Variants in ARHGAP42 observed in about 807,000 individuals in gnomAD.
ARHGAP42 encodes rho GTPase-activating protein 42.
ARHGAP42 carries 63 observed loss-of-function variants against 125.0 expected under a neutral mutation model. The ratio of observed to expected loss-of-function variants is 0.50; its 90% CI spans 0.41 to 0.62. The LOEUF (loss-of-function observed/expected upper bound fraction) is 0.62. Among genes scored for constraint, ARHGAP42 ranks in the 20% least tolerant of loss-of-function variants. ARHGAP42 has a pLI of 0.00. For missense variants in ARHGAP42, 766 were observed against 1,024.2 expected, an observed-to-expected ratio of 0.75 and a Z score of 3.44; for synonymous variants, 339 against 351.0, an observed-to-expected ratio of 0.97 and a Z score of 0.38.
intron 1 of ARHGAP42, among the ~76,000 whole-genome samples, chr11:100,730,483 G>A (rs554945798): frequency 6.6e-6 from 1 of 152,314 alleles, no homozygotes; most frequent in South Asian, 2.1e-4. Flanking sequence ...AAAAGCCAAT[G>A]TTGCTTTCTC....
chr11:100,835,531 A>T (rs1591222444), intron 3 of ARHGAP42, among the ~76,000 whole-genome samples: 1 of 152,112 alleles, frequency 6.6e-6, no homozygotes, highest in Admixed American at 6.6e-5. Flanking sequence ...ATTTCATAGA[A>T]GTTTTGAACT....
intron 3 of ARHGAP42, among the ~76,000 whole-genome samples, chr11:100,798,860 A>T (rs568418259): frequency 2.0e-5 from 3 of 152,152 alleles, no homozygotes; most frequent in Non-Finnish European, 4.4e-5. Context: ...AGAGAAAGCC[A>T]TTTGAGGAAG....
intron 3 of ARHGAP42, among the ~76,000 whole-genome samples, chr11:100,842,066 G>A (rs537437035): frequency 2.0e-5 from 3 of 152,254 alleles, no homozygotes; most frequent in African/African-American, 4.8e-5. Context: ...GCTAAAGATT[G>A]AAGTATTGCA....
At position 100,812,760 on chromosome 11, in the gene ARHGAP42, A is replaced by G. The variant is rs137912038; in HGVS notation, c.312+17594A>G. ...GCATAGGCAAATATGGCTAAAGCAC[A>G]GGAACAAATGGGAAAGTGGGAAGAG... On this transcript the variant is annotated intron_variant, in intron 3 of 23. Transcript: ENST00000298815. Among the ~76,000 whole-genome samples the G allele has an allele frequency of 7.1e-3, 1,087 of 152,368 alleles. 17 individuals carry two copies. Among genetic ancestry groups the G allele is most frequent in the African/African-American group, 0.025 (1,037 of 41,590 alleles).
chr11:100,933,309 A>G, intron 7 of ARHGAP42, 49 bp downstream of exon 7: 1 of 1,331,172 alleles, frequency 7.5e-7, no homozygotes, highest in Non-Finnish European at 1.0e-6. Flanking sequence ...TGCAAATCTG[A>G]TTTCACAGGG....
chr11:100,837,666 C>CTTTTTCTTTTTTTTTTTTT, intron 3 of ARHGAP42, among the ~76,000 whole-genome samples: 1 of 61,042 alleles, frequency 1.6e-5, no homozygotes, highest in Non-Finnish European at 3.0e-5. Context: ...AGGTGTCATC[C>CTTTTTCTTTTTTTTTTTTT]TTTTTTTTTT....
chr11:100,906,459 T>C (rs2135220565), intron 4 of ARHGAP42, among the ~76,000 whole-genome samples: 1 of 152,340 alleles, frequency 6.6e-6, no homozygotes, highest in South Asian at 2.1e-4. Flanking sequence ...CATTTTCTTA[T>C]GGGTTGCTTT....
At chr11:100,717,064 C>T (rs546308260) in intron 1 of ARHGAP42, among the ~76,000 whole-genome samples, 2 of 152,148 alleles carry the variant, frequency 1.3e-5, no homozygotes, top group South Asian at 2.1e-4. Context: ...GCTCTGGTTA[C>T]GTAGAGGATA....
chr11:100,801,005 A>G (rs1434936406), intron 3 of ARHGAP42, among the ~76,000 whole-genome samples: 1 of 152,332 alleles, frequency 6.6e-6, no homozygotes, highest in East Asian at 1.9e-4. Flanking sequence ...ATTTTAAAAA[A>G]TTTGGAATAT....
At chr11:100,838,982 T>G (rs1450255421) in intron 3 of ARHGAP42, among the ~76,000 whole-genome samples, 1 of 149,248 alleles carries the variant, frequency 6.7e-6, no homozygotes, top group South Asian at 2.1e-4. Flanking sequence ...AATTATAACT[T>G]TTTTTTTTTA....
intron 4 of ARHGAP42, among the ~76,000 whole-genome samples, chr11:100,895,313 C>G (rs919692490): frequency 8.5e-5 from 13 of 152,200 alleles, no homozygotes; most frequent in African/African-American, 3.1e-4. Flanking sequence ...TTCCCAACCT[C>G]AGCACTATTA....
At chr11:100,933,507 A>C (rs968473433) in intron 7 of ARHGAP42, among the ~76,000 whole-genome samples, 1 of 152,172 alleles carries the variant, frequency 6.6e-6, no homozygotes, top group Non-Finnish European at 1.5e-5. Context: ...ATGCAGGATG[A>C]GTAAGTTTGG....
Position 100,992,657 on chromosome 11 carries a change from C to A in ARHGAP42, c.*3856C>A. On this transcript the variant is annotated 3_prime_UTR_variant, in exon 24 of 24. Coordinates refer to ENST00000298815, the MANE Select transcript of ARHGAP42 (RefSeq NM_152432.4). ...CCCCCTGCTTCAAAATGTGCCAGTT[C>A]CACTTGGTAATAACGTTGGGAAAAT... is the stretch of plus-strand genomic sequence containing the variant. 2 of 1,609,862 alleles carry A rather than the reference C, an allele frequency of 1.2e-6. No individual in the cohort carries two copies.
chr11:100,767,934 A>G (rs150984241), intron 1 of ARHGAP42, among the ~76,000 whole-genome samples: 1 of 152,190 alleles, frequency 6.6e-6, no homozygotes, highest in Non-Finnish European at 1.5e-5. Context: ...AGTGGTCTAC[A>G]GAATTGTCCT....
chr11:100,714,234 A>G (rs1041094443), intron 1 of ARHGAP42, among the ~76,000 whole-genome samples: 2 of 152,170 alleles, frequency 1.3e-5, no homozygotes, highest in South Asian at 2.1e-4. Context: ...ACTAAAATGT[A>G]TTTACCTGTC....
chr11:100,738,966 A>C (rs1862122410), intron 1 of ARHGAP42, among the ~76,000 whole-genome samples: 1 of 152,206 alleles, frequency 6.6e-6, no homozygotes, highest in Non-Finnish European at 1.5e-5. Flanking sequence ...GCTTATAAAG[A>C]AAGCATGTAT....
At position 100,943,782 on chromosome 11, in the gene ARHGAP42, G is replaced by A. The variant is rs758852999; in HGVS notation, c.957G>A (p.Pro319=). 21 of 1,549,184 alleles carry A rather than the reference G, an allele frequency of 1.4e-5. No homozygotes were observed. The highest frequency in any genetic ancestry group is 1.2e-4 in the East Asian group (5 of 40,790). ...AGAATGGCCTTGTTACTAGCTCACC[G>A]GAAATGTTTAAATTAAAATCTTGTA... ...GKMNGLVTSS[P]EMFKLKSCIR... is the part of the protein sequence containing the mutation. The change falls in exon 10 of 24, where the codon CCG becomes CCA. Residue 319 remains proline (P), a synonymous_variant. Coordinates refer to ENST00000298815, the MANE Select transcript of ARHGAP42 (RefSeq NM_152432.4).
intron 3 of ARHGAP42, among the ~76,000 whole-genome samples, chr11:100,813,359 A>G (rs2135062997): frequency 6.6e-6 from 1 of 152,322 alleles, no homozygotes; most frequent in South Asian, 2.1e-4. Context: ...AACCAGTTGA[A>G]AACTACTCAT....
At chr11:100,815,494 A>C (rs1864247037) in intron 3 of ARHGAP42, among the ~76,000 whole-genome samples, 1 of 152,136 alleles carries the variant, frequency 6.6e-6, no homozygotes. Flanking sequence ...AAATGCACTA[A>C]ATCTAAGCTA....
Sources: gnomAD v4.1 joint callset for allele counts (sites outside exome capture counted in the v4.1 genomes callset) on GRCh38, gnomAD v4.1.1 for gene constraint, MANE v1.5 for transcripts, NCBI Gene and HGNC (gene_info 2026-07-23, HGNC 2026-07-21) for gene names.